DMD: variants seen among roughly 807,000 people sequenced by gnomAD.
The protein encoded by DMD is mutant dystrophin.
DMD carries 63 observed loss-of-function variants against 330.1 expected under a neutral mutation model. That is an observed-to-expected ratio of 0.19 (90% confidence interval 0.16 to 0.24). The LOEUF (loss-of-function observed/expected upper bound fraction) is 0.24. DMD is among the 10% of genes least tolerant of loss of function. The pLI, the probability that DMD is intolerant of heterozygous loss-of-function variation, is 1.00. For missense variants in DMD, 3,344 were observed against 2,684.1 expected (o/e 1.25, Z -5.43); for synonymous variants, 1,223 against 959.8 (o/e 1.27, Z -5.07).
At chrX:33,056,648 C>G (rs2094521420) in intron 1 of DMD, among the ~76,000 whole-genome samples, 1 of 110,793 alleles carries the variant, frequency 9.0e-6, no homozygotes, top group Non-Finnish European at 1.9e-5. Context: ...AGGTGTGAGC[C>G]ACCGCGCCCC....
At chrX:32,577,751 C>CCTAT (rs1436632707) in intron 13 of DMD, among the ~76,000 whole-genome samples, 5 of 112,250 alleles carry the variant, frequency 4.5e-5, no homozygotes, top group Non-Finnish European at 9.4e-5. Context: ...ATTGCTTAAA[C>CCTAT]CTATCTTACT....
chrX:31,384,309 C>CT (rs1394439886), intron 60 of DMD, among the ~76,000 whole-genome samples: 2 of 91,313 alleles, frequency 2.2e-5, no homozygotes, highest in Non-Finnish European at 4.6e-5. Flanking sequence ...TATCCTGCTT[C>CT]ACTACTACTA....
At chrX:32,400,840 C>CA (rs2098081628) in intron 30 of DMD, among the ~76,000 whole-genome samples, 1 of 108,245 alleles carries the variant, frequency 9.2e-6, no homozygotes, top group Admixed American at 9.9e-5. Context: ...GGTATATACC[C>CA]AAAGGACTAT....
intron 48 of DMD, among the ~76,000 whole-genome samples, chrX:31,843,476 G>A (rs2093353749): frequency 8.9e-6 from 1 of 111,970 alleles, no homozygotes; most frequent in Admixed American, 9.5e-5. Flanking sequence ...GTGATGTGGA[G>A]CATTTTTTCA....
intron 7 of DMD, among the ~76,000 whole-genome samples, chrX:32,700,076 G>C (rs900960916): frequency 9.0e-6 from 1 of 111,170 alleles, no homozygotes; most frequent in Non-Finnish European, 1.9e-5. Context: ...TCCTTCAAAA[G>C]ATTCATTTGC....
chrX:32,260,587 G>A (rs72626029), intron 43 of DMD, among the ~76,000 whole-genome samples: 1,473 of 111,565 alleles, frequency 0.013, 21 homozygotes, highest in South Asian at 0.11. Context: ...ATCTAGAATT[G>A]AGAAAGGTAG....
At chrX:31,931,674 C>T (rs1386688807) in intron 46 of DMD, among the ~76,000 whole-genome samples, 1 of 111,268 alleles carries the variant, frequency 9.0e-6, no homozygotes, top group Non-Finnish European at 1.9e-5. Flanking sequence ...AAGTGATTCC[C>T]ATTTAGATTT....
chrX:31,845,396 TCTC>T (rs2093404228), intron 48 of DMD, among the ~76,000 whole-genome samples: 1 of 100,550 alleles, frequency 9.9e-6, no homozygotes, highest in Non-Finnish European at 2.0e-5. Flanking sequence ...TCTCTCTCTC[TCTC>T]TCTCTCTCTC....
intron 7 of DMD, among the ~76,000 whole-genome samples, chrX:32,789,664 G>C (rs1041303178): frequency 3.6e-5 from 4 of 111,750 alleles, no homozygotes; most frequent in Admixed American, 2.8e-4. Flanking sequence ...TTTTAATAAA[G>C]CTCTCTAAGC....
intron 44 of DMD, among the ~76,000 whole-genome samples, chrX:32,054,743 T>C (rs770936686): frequency 9.3e-6 from 1 of 107,604 alleles, no homozygotes; most frequent in African/African-American, 3.4e-5. Context: ...TTTCACTTTT[T>C]TTCATTCCTT....
intron 60 of DMD, among the ~76,000 whole-genome samples, chrX:31,394,030 G>C (rs1212843089): frequency 8.9e-6 from 1 of 112,435 alleles, no homozygotes; most frequent in East Asian, 2.8e-4. Flanking sequence ...AGCTATGGCA[G>C]AGCCAGAACC....
In DMD at chrX:32,565,876, T is replaced by C; in HGVS notation, c.1818A>G (p.Leu606=). ...GCTTTTTCTTTTCTAGATCCGCTTT[T>C]AAAACCTGTTAAAACAAGAAAGATC... ...MLSSLQKLAV[L]KADLEKKKQS... The change falls in exon 16 of 79, where the codon TTA becomes TTG. Residue 606 remains leucine (L), a synonymous_variant. Coordinates refer to ENST00000357033, the MANE Select transcript of DMD (RefSeq NM_004006.3). The C allele has an allele frequency of 8.3e-7, 1 of 1,205,829 alleles. No individual in the cohort carries two copies.
chrX:31,446,370 C>T (rs771063622), intron 59 of DMD, among the ~76,000 whole-genome samples: 3 of 111,655 alleles, frequency 2.7e-5, no homozygotes, highest in Non-Finnish European at 3.8e-5. Flanking sequence ...TGTGAATATA[C>T]TAAACACCAC....
chrX:32,706,376 A>C (rs1157462021), intron 7 of DMD, among the ~76,000 whole-genome samples: 2 of 101,663 alleles, frequency 2.0e-5, no homozygotes, highest in Admixed American at 2.0e-4. Flanking sequence ...TAAAACTTAA[A>C]GTATAATAAT....
rs72468638 is a variant in DMD, at chrX:32,386,455, T to C, written c.4529A>G (p.Lys1510Arg). The change falls in exon 33 of 79, where the codon AAA becomes AGA. Residue 1510 changes from lysine (K) to arginine (R), a missense_variant. Coordinates refer to ENST00000357033, the MANE Select transcript of DMD (RefSeq NM_004006.3). Reference protein sequence around the residue: ...SQLNHCVNLYKSLSEVKSEVE... With the variant: ...SQLNHCVNLYRSLSEVKSEVE... ...TTCAGACTTCACTTCACTCAGACTT[T>C]TATACAAGTTCTAAGTTTAAACATA... 2.7e-3 allele frequency: 3,257 copies of C among 1,199,881 alleles called. 39 individuals carry two copies. Among genetic ancestry groups the C allele is most frequent in the East Asian group, 0.023 (776 of 33,584 alleles).
At chrX:32,276,684 C>T (rs761695846) in intron 43 of DMD, among the ~76,000 whole-genome samples, 4 of 110,943 alleles carry the variant, frequency 3.6e-5, no homozygotes, top group Non-Finnish European at 5.7e-5. Context: ...CTTTGGGAGG[C>T]CGAAGTAGGT....
At chrX:32,436,616 G>C (rs2098262389) in intron 29 of DMD, among the ~76,000 whole-genome samples, 1 of 111,638 alleles carries the variant, frequency 9.0e-6, no homozygotes, top group South Asian at 3.7e-4. Context: ...GATCAAGTTA[G>C]AGAGTAAGCT....
intron 41 of DMD, among the ~76,000 whole-genome samples, chrX:32,323,642 G>T (rs2097633437): frequency 9.0e-6 from 1 of 111,419 alleles, no homozygotes; most frequent in South Asian, 3.7e-4. Context: ...AGAAATATAG[G>T]CATAAAATTG....
intron 48 of DMD, among the ~76,000 whole-genome samples, chrX:31,847,693 G>A (rs2093451392): frequency 9.0e-6 from 1 of 111,447 alleles, no homozygotes; most frequent in Non-Finnish European, 1.9e-5. Context: ...AACAAAGCAA[G>A]AAACAACTCC....
Sources: gnomAD v4.1 joint callset for allele counts (sites outside exome capture counted in the v4.1 genomes callset) on GRCh38, gnomAD v4.1.1 for gene constraint, MANE v1.5 for transcripts, NCBI Gene and HGNC (gene_info 2026-07-23, HGNC 2026-07-21) for gene names.